Variants in ATP6V1C2 observed in about 807,000 individuals in gnomAD.
ATP6V1C2 encodes ATPase H+ transporting V1 subunit C2.
Under a neutral mutation model 56.8 loss-of-function variants are expected in ATP6V1C2, and 45 were observed. That is an observed-to-expected ratio of 0.79 (90% confidence interval 0.62 to 1.02). The LOEUF (loss-of-function observed/expected upper bound fraction) is 1.02. Among genes scored for constraint, ATP6V1C2 ranks in the 50% least tolerant of loss-of-function variants. The pLI is 0.00. For missense variants in ATP6V1C2, 463 were observed against 519.7 expected, an observed-to-expected ratio of 0.89 and a Z score of 1.06; for synonymous variants, 220 against 201.3, an observed-to-expected ratio of 1.09 and a Z score of -0.79.
At chr2:10,764,026 T>C (rs917656292) in intron 4 of ATP6V1C2, among the ~76,000 whole-genome samples, 7 of 152,212 alleles carry the variant, frequency 4.6e-5, no homozygotes, top group Admixed American at 1.3e-4. Context: ...AAAACGCACC[T>C]CCCTGCCGTT....
At chr2:10,757,926 G>T (rs892132198) in intron 4 of ATP6V1C2, among the ~76,000 whole-genome samples, 6 of 152,214 alleles carry the variant, frequency 3.9e-5, no homozygotes, top group African/African-American at 1.4e-4. Flanking sequence ...GTCTTTCCTT[G>T]TGTGAATGTT....
chr2:10,744,007 TA>T (rs1383336257), intron 3 of ATP6V1C2, among the ~76,000 whole-genome samples: 16 of 146,324 alleles, frequency 1.1e-4, no homozygotes, highest in East Asian at 2.0e-4. Flanking sequence ...ATAATAATAA[TA>T]AATAAATAAA....
chr2:10,763,477 G>C lies in ATP6V1C2; in HGVS notation c.284-854G>C, dbSNP rs1192420417. 6.6e-6 allele frequency among the ~76,000 whole-genome samples: 1 copy of C among 152,200 alleles called. No individual in the cohort carries two copies. Among genetic ancestry groups the C allele is most frequent in the East Asian group, 1.9e-4 (1 of 5,192 alleles). ...GTGTCTAGTGTGTGTCCCCAGCAGG[G>C]TGATGGGTGTGGAGTGAGCGTGACA... On this transcript the variant is annotated intron_variant, in intron 4 of 13. Transcript: ENST00000272238. This position sits in a 1 kb window ranked among gnomAD's most constrained non-coding sequence, Gnocchi z 4.2.
At chr2:10,741,030 G>A (rs1030122800) in intron 3 of ATP6V1C2, among the ~76,000 whole-genome samples, 1 of 152,182 alleles carries the variant, frequency 6.6e-6, no homozygotes, top group Non-Finnish European at 1.5e-5. Context: ...TGTCTGGACC[G>A]CATGTGGGTG....
intron 3 of ATP6V1C2, among the ~76,000 whole-genome samples, chr2:10,753,640 T>G (rs1663348069): frequency 6.6e-6 from 1 of 151,724 alleles, no homozygotes; most frequent in Non-Finnish European, 1.5e-5. Context: ...CAAGCGATTC[T>G]CCTGCCTCGG....
intron 12 of ATP6V1C2, among the ~76,000 whole-genome samples, chr2:10,779,687 GAAAA>G (rs555256673): frequency 1.2e-4 from 6 of 52,098 alleles, no homozygotes; most frequent in Admixed American, 4.1e-4. Context: ...TCCGGCTATA[GAAAA>G]AAAAAAAAAA....
intron 3 of ATP6V1C2, among the ~76,000 whole-genome samples, chr2:10,752,868 C>T (rs1572552335): frequency 6.6e-6 from 1 of 152,048 alleles, no homozygotes; most frequent in South Asian, 2.1e-4. Context: ...TCGTGGTGGG[C>T]CTCTGTAATC....
chr2:10,771,808 T>G lies in ATP6V1C2; in HGVS notation c.471-31T>G, dbSNP rs373340743. 64 of 1,572,042 alleles carry G rather than the reference T, an allele frequency of 4.1e-5. No homozygotes were observed. In the African/African-American group the frequency reaches 8.2e-4, roughly 20 times the overall value. Reference sequence around the variant, plus strand: ...CACTGTGTCCCTTTCTGCTCACATCTTTCACACCCTTTGTTCCACCTGCCT... The same window carrying G: ...CACTGTGTCCCTTTCTGCTCACATCGTTCACACCCTTTGTTCCACCTGCCT... On this transcript the variant is annotated intron_variant, in intron 6 of 13. Transcript: ENST00000272238.
chr2:10,770,601 T>C (rs982382409), intron 6 of ATP6V1C2, among the ~76,000 whole-genome samples: 6 of 152,244 alleles, frequency 3.9e-5, no homozygotes, highest in Admixed American at 3.9e-4. Flanking sequence ...CACCCTGAGA[T>C]GGATTTCTTC....
chr2:10,772,426 C>A, intron 7 of ATP6V1C2, 116 bp from the exon 8 acceptor site: 1 of 880,284 alleles, frequency 1.1e-6, no homozygotes, highest in East Asian at 2.4e-5. Flanking sequence ...TCCCTCTGAC[C>A]CCATCCCTGC....
At chr2:10,744,309 C>T (rs553766282) in intron 3 of ATP6V1C2, 1 of 152,362 alleles carries the variant, frequency 6.6e-6, no homozygotes, top group East Asian at 1.9e-4. Flanking sequence ...TACCAATCAA[C>T]ACCTCATCTC....
chr2:10,773,369 G>A (rs1664753420), intron 8 of ATP6V1C2, among the ~76,000 whole-genome samples: 1 of 152,112 alleles, frequency 6.6e-6, no homozygotes, highest in South Asian at 2.1e-4. Context: ...GTTTTGGGTG[G>A]CTGATCCAAA....
At chr2:10,749,431 A>G (rs957631346) in intron 3 of ATP6V1C2, among the ~76,000 whole-genome samples, 23 of 152,214 alleles carry the variant, frequency 1.5e-4, no homozygotes, top group Admixed American at 1.4e-3. Flanking sequence ...TATAGAGTCA[A>G]ACATGAGAAA....
chr2:10,772,640 C>T (rs1664697791), intron 8 of ATP6V1C2, 30 bp downstream of exon 8: 1 of 1,583,008 alleles, frequency 6.3e-7, no homozygotes, highest in African/African-American at 1.3e-5. Flanking sequence ...GGTCCCAGGG[C>T]CCCTGGGGTA....
intron 4 of ATP6V1C2, among the ~76,000 whole-genome samples, chr2:10,761,092 G>A (rs1663879453): frequency 6.6e-6 from 1 of 152,212 alleles, no homozygotes; most frequent in Non-Finnish European, 1.5e-5. Context: ...GCAGGGGCAG[G>A]GACAGTTGGG....
intron 10 of ATP6V1C2, among the ~76,000 whole-genome samples, chr2:10,776,266 C>CAT (rs143266848): frequency 4.0e-5 from 6 of 151,026 alleles, no homozygotes; most frequent in African/African-American, 1.5e-4. Flanking sequence ...CGCTCACACA[C>CAT]GTGTGTGTGT....
At chr2:10,781,312 T>A (rs886820029) in intron 12 of ATP6V1C2, among the ~76,000 whole-genome samples, 2 of 152,024 alleles carry the variant, frequency 1.3e-5, no homozygotes, top group African/African-American at 4.8e-5. Context: ...AAGTTGGTAA[T>A]GACTGTGGTG....
At chr2:10,725,915 A>G (rs904573234) in intron 2 of ATP6V1C2, among the ~76,000 whole-genome samples, 3 of 151,780 alleles carry the variant, frequency 2.0e-5, no homozygotes, top group African/African-American at 4.8e-5. Context: ...CCCTGTCTCT[A>G]CTAAAAATAA....
intron 3 of ATP6V1C2, among the ~76,000 whole-genome samples, chr2:10,733,541 CT>C (rs1316971266): frequency 6.6e-6 from 1 of 151,466 alleles, no homozygotes; most frequent in Admixed American, 6.6e-5. Flanking sequence ...CTTTCTCTCT[CT>C]TTTTTTAATT....
Sources: gnomAD v4.1 joint callset for allele counts (sites outside exome capture counted in the v4.1 genomes callset) on GRCh38, gnomAD v4.1.1 for gene constraint, Gnocchi (gnomAD v3.1) non-coding constraint, MANE v1.5 for transcripts, NCBI Gene and HGNC (gene_info 2026-07-23, HGNC 2026-07-21) for gene names.